The following MED12L variants were observed in gnomAD, a reference collection of about 807,000 sequenced individuals.
MED12L encodes mediator of RNA polymerase II transcription subunit 12-like protein.
Under a neutral mutation model 281.3 loss-of-function variants are expected in MED12L, and 60 were observed. The ratio of observed to expected loss-of-function variants is 0.21; its 90% CI spans 0.17 to 0.26. The LOEUF (loss-of-function observed/expected upper bound fraction) is 0.26, where lower values mean the gene tolerates loss of function less well. Ranked by LOEUF, MED12L falls within the 10% of genes least tolerant of loss-of-function variation. The pLI, the probability that MED12L is intolerant of heterozygous loss-of-function variation, is 1.00. For missense variants in MED12L, 2,146 were observed against 2,680.9 expected, an observed-to-expected ratio of 0.80 and a Z score of 4.41; for synonymous variants, 974 against 987.2, an observed-to-expected ratio of 0.99 and a Z score of 0.25.
At chr3:151,341,580 T>A (rs1326400989) in intron 16 of MED12L, among the ~76,000 whole-genome samples, 2 of 148,742 alleles carry the variant, frequency 1.3e-5, no homozygotes, top group African/African-American at 5.0e-5. Context: ...TTTTTTTTAA[T>A]TTTATTATTA....
chr3:151,197,421 A>C (rs1472946626), intron 16 of MED12L, among the ~76,000 whole-genome samples: 1 of 152,166 alleles, frequency 6.6e-6, no homozygotes, highest in Non-Finnish European at 1.5e-5. Context: ...TCAGCCTCCC[A>C]AAGTGTGTGA....
intron 43 of MED12L, among the ~76,000 whole-genome samples, chr3:151,421,047 T>G (rs1174786037): frequency 6.6e-6 from 1 of 152,154 alleles, no homozygotes; most frequent in East Asian, 1.9e-4. Flanking sequence ...GTTGGCAAAT[T>G]GGGCACTCAG....
At chr3:151,247,191 G>C (rs1488413974) in intron 16 of MED12L, among the ~76,000 whole-genome samples, 1 of 151,968 alleles carries the variant, frequency 6.6e-6, no homozygotes, top group Non-Finnish European at 1.5e-5. Flanking sequence ...CAACCATTGT[G>C]GAAGTCAGTG....
chr3:151,321,412 G>C (rs370569508), intron 16 of MED12L, among the ~76,000 whole-genome samples: 3 of 152,130 alleles, frequency 2.0e-5, no homozygotes, highest in East Asian at 3.9e-4. Context: ...TTTGGACTTA[G>C]GAAACTCAGT....
chr3:151,389,104 T>A (rs1195087150), intron 37 of MED12L, among the ~76,000 whole-genome samples: 2 of 152,212 alleles, frequency 1.3e-5, no homozygotes, highest in Non-Finnish European at 2.9e-5. Context: ...TGAGCATCAG[T>A]GCCCCCTTCT....
chr3:151,376,658 T>C lies in MED12L; in HGVS notation c.4054-142T>C, dbSNP rs1460812961. 23 of 685,166 alleles carry C rather than the reference T, an allele frequency of 3.4e-5. 2 individuals carry two copies. In the South Asian group the frequency reaches 3.7e-4, roughly 11 times the overall value. 42.4% of individuals were successfully genotyped at this position (685,166 alleles called of 1,614,324 possible). On this transcript the variant is annotated intron_variant, in intron 28 of 44. Transcript: ENST00000687756. ...GCTACTGAATATATATGCAGCAAGA[T>C]TGGGAACCTTTTGACTCATATAAAT...
At chr3:151,235,768 C>T (rs1367513137) in intron 16 of MED12L, among the ~76,000 whole-genome samples, 1 of 151,942 alleles carries the variant, frequency 6.6e-6, no homozygotes, top group African/African-American at 2.4e-5. Context: ...CTGGCTTCTG[C>T]CTGTGATTGT....
intron 16 of MED12L, among the ~76,000 whole-genome samples, chr3:151,218,286 C>G (rs188597588): frequency 3.9e-5 from 6 of 152,132 alleles, no homozygotes; most frequent in Non-Finnish European, 7.4e-5. Flanking sequence ...TCATGCCAGT[C>G]CATTAAAGAG....
chr3:151,267,344 A>G (rs976765016), intron 16 of MED12L, among the ~76,000 whole-genome samples: 17 of 152,208 alleles, frequency 1.1e-4, no homozygotes, highest in Non-Finnish European at 2.2e-4. Context: ...AAGGAATTTA[A>G]GTGTATAATG....
At chr3:151,368,697 T>G (rs1474524897) in intron 25 of MED12L, among the ~76,000 whole-genome samples, 510 of 44,342 alleles carry the variant, frequency 0.012, 14 homozygotes, top group African/African-American at 0.054. Flanking sequence ...TTTATTTCAT[T>G]TCATTTCATT....
intron 21 of MED12L, among the ~76,000 whole-genome samples, chr3:151,363,635 TACACA>T (rs1208714604): frequency 1.1e-4 from 16 of 152,204 alleles, no homozygotes; most frequent in African/African-American, 3.6e-4. Context: ...ATAAGTTGTC[TACACA>T]GAAAGAGAGT....
intron 2 of MED12L, among the ~76,000 whole-genome samples, chr3:151,102,082 A>G (rs1030797206): frequency 6.6e-6 from 1 of 152,270 alleles, no homozygotes. Flanking sequence ...ATTGGAATGA[A>G]TACTCAGACT....
intron 6 of MED12L, among the ~76,000 whole-genome samples, chr3:151,157,800 C>G (rs1719473999): frequency 6.6e-6 from 1 of 152,158 alleles, no homozygotes. Context: ...TAATACATAA[C>G]AGTTGCTAGG....
At position 151,121,536 on chromosome 3, in the gene MED12L, A is replaced by C. The variant is rs115544990; in HGVS notation, c.205-1247A>C. Among the ~76,000 whole-genome samples the C allele has an allele frequency of 1.3e-3, 192 of 152,216 alleles. 1 individual carries two copies. Among genetic ancestry groups the C allele is most frequent in the African/African-American group, 4.5e-3 (188 of 41,522 alleles). On this transcript the variant is annotated intron_variant, in intron 3 of 44. Transcript: ENST00000687756. ...GTGGTGATTCTTATTTTGCTTCAAC[A>C]GGGTAAGTATTTTATTTTAGTCATG... is the stretch of plus-strand genomic sequence containing the variant.
At chr3:151,131,973 G>A (rs546325479) in intron 5 of MED12L, among the ~76,000 whole-genome samples, 45 of 152,166 alleles carry the variant, frequency 3.0e-4, no homozygotes, top group Admixed American at 2.3e-3. Context: ...GATAACATAC[G>A]ATTCTGTTTT....
intron 5 of MED12L, among the ~76,000 whole-genome samples, chr3:151,142,845 A>C (rs1717250253): frequency 6.6e-6 from 1 of 151,938 alleles, no homozygotes; most frequent in African/African-American, 2.4e-5. Flanking sequence ...AAAAAGAAGT[A>C]CATTAGGTTT....
chr3:151,232,584 A>G (rs780064312), intron 16 of MED12L, among the ~76,000 whole-genome samples: 8 of 152,256 alleles, frequency 5.3e-5, no homozygotes, highest in Admixed American at 1.3e-4. Flanking sequence ...TGGCACATAT[A>G]TGCCATGGAA....
At chr3:151,389,838 TC>T in intron 37 of MED12L, 140 bp from the exon 38 acceptor site, 1 of 726,426 alleles carries the variant, frequency 1.4e-6, no homozygotes, top group Non-Finnish European at 2.2e-6. Flanking sequence ...TTAGCACTCT[TC>T]CTTCCATCTT....
At chr3:151,337,610 C>CTA in intron 16 of MED12L, 1 of 563,504 alleles carries the variant, frequency 1.8e-6, no homozygotes, top group Non-Finnish European at 3.1e-6. Flanking sequence ...GCTGCTAATA[C>CTA]AGCTACAGTT....
Sources: allele counts gnomAD v4.1 joint callset (sites outside exome capture counted in the v4.1 genomes callset), GRCh38; gene constraint gnomAD v4.1.1; transcripts MANE v1.5; gene names NCBI Gene and HGNC (gene_info 2026-07-23, HGNC 2026-07-21).